The following SRPK2 variants were observed in gnomAD, a reference collection of about 807,000 sequenced individuals.
SRPK2 encodes SRSF protein kinase 2.
Under a neutral mutation model 90.8 loss-of-function variants are expected in SRPK2, and 21 were observed. That is an observed-to-expected ratio of 0.23 (90% CI 0.16 to 0.33). SRPK2 has a LOEUF of 0.33. SRPK2 is among the 10% of genes least tolerant of loss of function. The pLI, the probability that SRPK2 is intolerant of heterozygous loss-of-function variation, is 1.00. For synonymous variants in SRPK2, 288 were observed against 311.1 expected (o/e 0.93, Z 0.78); for missense variants, 620 against 869.0 (o/e 0.71, Z 3.60).
At chr7:105,225,950 T>G (rs950439605) in intron 2 of SRPK2, among the ~76,000 whole-genome samples, 5 of 152,196 alleles carry the variant, frequency 3.3e-5, no homozygotes, top group Admixed American at 3.3e-4. Flanking sequence ...AACAGCCACA[T>G]GCGGGGGTTA....
At chr7:105,258,770 A>C (rs1276608178) in intron 2 of SRPK2, among the ~76,000 whole-genome samples, 8 of 152,202 alleles carry the variant, frequency 5.3e-5, no homozygotes, top group Non-Finnish European at 1.2e-4. Flanking sequence ...ATAAAAACAG[A>C]ACCAACAACA....
chr7:105,184,704 A>G (rs367930970), intron 3 of SRPK2, among the ~76,000 whole-genome samples: 2 of 152,294 alleles, frequency 1.3e-5, no homozygotes, highest in East Asian at 1.9e-4. Flanking sequence ...GGCTGGATGT[A>G]AAATATTTGA....
At chr7:105,338,074 G>C (rs904027774) in intron 2 of SRPK2, among the ~76,000 whole-genome samples, 1 of 94,028 alleles carries the variant, frequency 1.1e-5, no homozygotes, top group Admixed American at 1.2e-4. Flanking sequence ...AAAAAAGAAA[G>C]AATATTAAAA....
chr7:105,274,933 G>A (rs572175991), intron 2 of SRPK2, among the ~76,000 whole-genome samples: 7 of 150,220 alleles, frequency 4.7e-5, no homozygotes, highest in South Asian at 2.1e-4. Context: ...TCACTCTGTC[G>A]CCCAAGCTGG....
intron 2 of SRPK2, among the ~76,000 whole-genome samples, chr7:105,285,067 G>A (rs1807876705): frequency 6.6e-6 from 1 of 152,120 alleles, no homozygotes; most frequent in Non-Finnish European, 1.5e-5. Flanking sequence ...GCCATGTACT[G>A]AGTTGCTGGT....
chr7:105,124,694 A>T, intron 15 of SRPK2, among the ~76,000 whole-genome samples: 1 of 150,540 alleles, frequency 6.6e-6, no homozygotes, highest in Admixed American at 6.6e-5. Context: ...TAAGTAAGGT[A>T]GACAGAGCAT....
chr7:105,281,868 A>G (rs1321142039), intron 2 of SRPK2, among the ~76,000 whole-genome samples: 2 of 152,216 alleles, frequency 1.3e-5, no homozygotes, highest in African/African-American at 4.8e-5. Context: ...TAATATTGTT[A>G]AGATGGCAAT....
At chr7:105,248,073 G>A (rs549403587) in intron 2 of SRPK2, among the ~76,000 whole-genome samples, 1 of 152,106 alleles carries the variant, frequency 6.6e-6, no homozygotes, top group African/African-American at 2.4e-5. Context: ...GGCTGGTCTC[G>A]AACTACCAAC....
intron 3 of SRPK2, among the ~76,000 whole-genome samples, chr7:105,185,591 ACTACT>A (rs1417944684): frequency 6.6e-6 from 1 of 152,134 alleles, no homozygotes; most frequent in Non-Finnish European, 1.5e-5. Flanking sequence ...TAAATTCTAA[ACTACT>A]CTAATGAAAT....
At chr7:105,214,188 T>C (rs1417108152) in intron 2 of SRPK2, among the ~76,000 whole-genome samples, 1 of 152,236 alleles carries the variant, frequency 6.6e-6, no homozygotes, top group Non-Finnish European at 1.5e-5. Context: ...TGGACAGTAA[T>C]GCTGCAGGCT....
At chr7:105,255,319 G>GT (rs2129633053) in intron 2 of SRPK2, among the ~76,000 whole-genome samples, 1 of 151,648 alleles carries the variant, frequency 6.6e-6, no homozygotes, top group African/African-American at 2.4e-5. Flanking sequence ...GCAAATACCC[G>GT]TATCTGCGTG....
chr7:105,379,110 T>G (rs1306564503), intron 2 of SRPK2, among the ~76,000 whole-genome samples: 2 of 151,774 alleles, frequency 1.3e-5, no homozygotes, highest in African/African-American at 4.8e-5. Flanking sequence ...TGAGCTATGA[T>G]TGTGCCACTG....
intron 2 of SRPK2, among the ~76,000 whole-genome samples, chr7:105,325,316 G>A (rs1234541928): frequency 6.6e-6 from 1 of 152,078 alleles, no homozygotes; most frequent in Non-Finnish European, 1.5e-5. Flanking sequence ...GGTGTCACAA[G>A]CGATTATTAC....
intron 11 of SRPK2, among the ~76,000 whole-genome samples, chr7:105,137,145 G>A (rs763169508): frequency 1.3e-5 from 2 of 152,248 alleles, no homozygotes; most frequent in East Asian, 1.9e-4. Flanking sequence ...CAAAGGACAC[G>A]GGAAGTACAA....
intron 2 of SRPK2, chr7:105,269,072 C>A: frequency 8.2e-7 from 1 of 1,225,318 alleles, no homozygotes; most frequent in Non-Finnish European, 1.0e-6. Context: ...ATGCACATGA[C>A]TGTTTATGAA....
At chr7:105,280,173 G>A (rs1446599767) in intron 2 of SRPK2, among the ~76,000 whole-genome samples, 1 of 152,040 alleles carries the variant, frequency 6.6e-6, no homozygotes, top group Non-Finnish European at 1.5e-5. Flanking sequence ...CCAGTACTTT[G>A]GGAGGCTGAA....
At chr7:105,138,591 G>A (rs1165533916) in intron 11 of SRPK2, among the ~76,000 whole-genome samples, 1 of 152,228 alleles carries the variant, frequency 6.6e-6, no homozygotes, top group Non-Finnish European at 1.5e-5. Context: ...TCGAGCCCAT[G>A]AGTTCAGGAC....
chr7:105,216,543 A>G (rs894925471), intron 2 of SRPK2, among the ~76,000 whole-genome samples: 1 of 151,894 alleles, frequency 6.6e-6, no homozygotes, highest in Non-Finnish European at 1.5e-5. Context: ...GGTCCCAACT[A>G]CTCAGGAGGC....
intron 3 of SRPK2, among the ~76,000 whole-genome samples, chr7:105,175,580 A>G (rs1791735137): frequency 6.6e-6 from 1 of 152,194 alleles, no homozygotes; most frequent in Non-Finnish European, 1.5e-5. Context: ...CAGTGAAAAC[A>G]AAAGCTGGTT....
Sources: allele counts gnomAD v4.1 joint callset (sites outside exome capture counted in the v4.1 genomes callset), GRCh38; gene constraint gnomAD v4.1.1; transcripts MANE v1.5; gene names NCBI Gene and HGNC (gene_info 2026-07-23, HGNC 2026-07-21).